Variants in CDH20 observed in about 807,000 individuals in gnomAD.
CDH20 encodes the protein cadherin-20.
Under a neutral mutation model 74.2 loss-of-function variants are expected in CDH20, and 29 were observed. The ratio of observed to expected loss-of-function variants is 0.39; its 90% CI spans 0.29 to 0.53. The LOEUF is 0.53. CDH20 is among the 20% of genes least tolerant of loss of function. The pLI is 0.69. For missense variants in CDH20, 988 were observed against 1,048.3 expected (o/e 0.94, Z 0.79); for synonymous variants, 469 against 405.4 (o/e 1.16, Z -1.88).
intron 1 of CDH20, among the ~76,000 whole-genome samples, chr18:61,471,680 G>T (rs1041001983): frequency 6.6e-6 from 1 of 152,126 alleles, no homozygotes; most frequent in African/African-American, 2.4e-5. Context: ...TGGAAAAAGT[G>T]AACTACAATC....
At chr18:61,545,707 C>T (rs1187641559) in intron 10 of CDH20, among the ~76,000 whole-genome samples, 4 of 152,074 alleles carry the variant, frequency 2.6e-5, no homozygotes, top group African/African-American at 9.7e-5. Flanking sequence ...AAGCAGGAAA[C>T]AGTAAAAAGC....
At position 61,531,224 on chromosome 18, in the gene CDH20, T is replaced by C. The variant is rs562217509; in HGVS notation, c.1271+3004T>C. Among the ~76,000 whole-genome samples, 24 of 152,362 alleles carry C rather than the reference T, an allele frequency of 1.6e-4. No homozygotes were observed. In the East Asian group the frequency reaches 4.2e-3, roughly 27 times the overall value. On this transcript the variant is annotated intron_variant, in intron 7 of 11. Coordinates refer to ENST00000262717, the MANE Select transcript of CDH20 (RefSeq NM_031891.4). ...GGGAGGCTTCTCTGAGGAAGGCTCCTGGTGTGTCAGCCCGGCAATGCTGTC... is the reference window on the plus strand; with the variant it reads ...GGGAGGCTTCTCTGAGGAAGGCTCCCGGTGTGTCAGCCCGGCAATGCTGTC...
At chr18:61,410,773 T>C (rs7238340) in intron 1 of CDH20, among the ~76,000 whole-genome samples, 150,117 of 152,352 alleles carry the variant, frequency 0.99, 73,994 homozygotes, top group East Asian at 1. Context: ...TTAAATATCA[T>C]AACATAATAG....
intron 1 of CDH20, among the ~76,000 whole-genome samples, chr18:61,383,742 T>C (rs529402661): frequency 1.3e-5 from 2 of 152,276 alleles, no homozygotes; most frequent in Non-Finnish European, 2.9e-5. Context: ...TTATTTTCAG[T>C]ACATTAAAAA....
intron 1 of CDH20, among the ~76,000 whole-genome samples, chr18:61,417,929 T>C (rs1234697890): frequency 6.6e-6 from 1 of 152,214 alleles, no homozygotes; most frequent in Non-Finnish European, 1.5e-5. Context: ...CTCATGAATA[T>C]GTATAACTGT....
intron 1 of CDH20, among the ~76,000 whole-genome samples, chr18:61,453,942 T>C (rs1317114134): frequency 1.3e-5 from 2 of 152,284 alleles, no homozygotes; most frequent in Non-Finnish European, 2.9e-5. Context: ...ATGAGTAACA[T>C]AGCTCCTCCA....
chr18:61,399,469 C>T (rs1439368840), intron 1 of CDH20, among the ~76,000 whole-genome samples: 3 of 152,114 alleles, frequency 2.0e-5, no homozygotes, highest in East Asian at 3.8e-4. Flanking sequence ...TATTATGATT[C>T]ATTTTATACA....
chr18:61,417,561 T>A, intron 1 of CDH20, among the ~76,000 whole-genome samples: 1 of 119,760 alleles, frequency 8.4e-6, no homozygotes, highest in Non-Finnish European at 1.6e-5. Flanking sequence ...TGTATGTTCT[T>A]ACTCAGATGT....
Position 61,524,074 on chromosome 18 carries a change from A to G in CDH20, c.1018-3893A>G, listed in dbSNP as rs547990607. Among the ~76,000 whole-genome samples the G allele has an allele frequency of 3.8e-3, 574 of 152,264 alleles. 5 individuals carry two copies. The highest frequency in any genetic ancestry group is 0.011 in the African/African-American group (466 of 41,542). The stretch of plus-strand genomic sequence containing the variant: ...TTAAAGTATAATAATAATAATAATA[A>G]TAAAGGACACTGTTAAGAGAATGAA... On this transcript the variant is annotated intron_variant, in intron 6 of 11. Transcript: ENST00000262717.
At chr18:61,527,116 G>C (rs778044832) in intron 6 of CDH20, among the ~76,000 whole-genome samples, 1 of 152,144 alleles carries the variant, frequency 6.6e-6, no homozygotes, top group African/African-American at 2.4e-5. Flanking sequence ...GGAGGTGGAG[G>C]TTGCAATGAG....
At chr18:61,410,067 T>C (rs1236082785) in intron 1 of CDH20, among the ~76,000 whole-genome samples, 4 of 152,214 alleles carry the variant, frequency 2.6e-5, no homozygotes, top group Non-Finnish European at 5.9e-5. Flanking sequence ...AAATGTGTTG[T>C]AATTTTGCCT....
intron 1 of CDH20, among the ~76,000 whole-genome samples, chr18:61,342,787 A>G (rs1005820885): frequency 2.0e-5 from 3 of 152,232 alleles, no homozygotes; most frequent in African/African-American, 4.8e-5. Context: ...TTTCCAGATC[A>G]TAATGTAGAT....
chr18:61,371,750 A>C (rs1236895319), intron 1 of CDH20, among the ~76,000 whole-genome samples: 1 of 152,036 alleles, frequency 6.6e-6, no homozygotes, highest in Non-Finnish European at 1.5e-5. Context: ...ATTTGTGACA[A>C]ATATGATTAT....
At chr18:61,394,344 G>C (rs960641604) in intron 1 of CDH20, among the ~76,000 whole-genome samples, 1 of 152,152 alleles carries the variant, frequency 6.6e-6, no homozygotes, top group Non-Finnish European at 1.5e-5. Context: ...GGTTCTTACA[G>C]ATGTAATTAG....
intron 6 of CDH20, among the ~76,000 whole-genome samples, chr18:61,507,975 T>C (rs1911634614): frequency 6.6e-6 from 1 of 152,202 alleles, no homozygotes; most frequent in Non-Finnish European, 1.5e-5. Context: ...ATAAATAACA[T>C]GCAAGGGTTT....
chr18:61,339,681 ATT>A lies in CDH20; in HGVS notation c.-153+5877_-153+5878del, dbSNP rs898945778. ...ATGGATACATCTGATGGTCATAGAA[ATT>A]TTTTTTTTTTTTTTTTTTTTTTGAG... On this transcript the variant is annotated intron_variant, in intron 1 of 11. Transcript: ENST00000262717. Among the ~76,000 whole-genome samples, 149 of 88,412 alleles carry A rather than the reference ATT, an allele frequency of 1.7e-3. 1 individual carries two copies. The highest frequency in any genetic ancestry group is 5.4e-3 in the African/African-American group (124 of 23,108). 58.0% of individuals were successfully genotyped at this position (88,412 alleles called of 152,430 possible).
At chr18:61,532,578 A>G (rs549966) in intron 7 of CDH20, among the ~76,000 whole-genome samples, 76,656 of 151,058 alleles carry the variant, frequency 0.51, 19,704 homozygotes, top group East Asian at 0.62. Flanking sequence ...ACATATATAT[A>G]AAAAACAAAA....
At chr18:61,552,534 C>T (rs974519759) in intron 11 of CDH20, among the ~76,000 whole-genome samples, 3 of 152,090 alleles carry the variant, frequency 2.0e-5, no homozygotes, top group African/African-American at 4.8e-5. Context: ...TGCTTCCTAG[C>T]GTTATCCAAA....
At chr18:61,383,202 T>C (rs1911489797) in intron 1 of CDH20, among the ~76,000 whole-genome samples, 2 of 152,244 alleles carry the variant, frequency 1.3e-5, no homozygotes, top group South Asian at 4.1e-4. Flanking sequence ...TCTGAAAGAC[T>C]GAACCATCAA....
Sources: allele counts gnomAD v4.1 joint callset (sites outside exome capture counted in the v4.1 genomes callset), GRCh38; gene constraint gnomAD v4.1.1; transcripts MANE v1.5; gene names NCBI Gene and HGNC (gene_info 2026-07-23, HGNC 2026-07-21).